Variants in CSMD2 observed in about 807,000 individuals in gnomAD.
CSMD2 encodes CUB and Sushi multiple domains 2.
CSMD2 carries 130 observed loss-of-function variants against 398.5 expected under a neutral mutation model. The observed-to-expected ratio is 0.33, with a 90% CI of 0.28 to 0.38. The LOEUF is 0.38. Among genes scored for constraint, CSMD2 ranks in the 10% least tolerant of loss-of-function variants. The pLI is 1.00. For missense variants in CSMD2, 3,829 were observed against 4,764.9 expected, an observed-to-expected ratio of 0.80 and a Z score of 5.78; for synonymous variants, 1,828 against 1,908.5, an observed-to-expected ratio of 0.96 and a Z score of 1.10.
rs58513974 is a variant in CSMD2 at position 33,539,311 on chromosome 1, C to A, written c.9631+1214G>T. Among the ~76,000 whole-genome samples, 955 of 152,174 alleles carry A rather than the reference C, an allele frequency of 6.3e-3. 9 individuals are homozygous for A. The highest frequency in any genetic ancestry group is 0.022 in the African/African-American group (920 of 41,514). ...ATACATATTGCAGAACTGCTTCTAA[C>A]GTGATTAAGTTGGAGATAATCTAAA... is the stretch of plus-strand genomic sequence containing the variant. On this transcript the variant is annotated intron_variant, in intron 60 of 70. Transcript: ENST00000373381.
chr1:33,864,809 CAT>C (rs1295121956), intron 5 of CSMD2: 1 of 1,421,674 alleles, frequency 7.0e-7, no homozygotes, highest in Non-Finnish European at 9.6e-7. Context: ...TTCCTGGTCT[CAT>C]GTGTGGCATT....
intron 44 of CSMD2, among the ~76,000 whole-genome samples, chr1:33,589,708 G>A (rs79142492): frequency 1.3e-5 from 2 of 152,082 alleles, no homozygotes; most frequent in African/African-American, 2.4e-5. Flanking sequence ...TCCAGTGCAC[G>A]GTGAAACCCC....
Position 33,611,160 on chromosome 1 carries a change from A to G in CSMD2, c.6224T>C (p.Met2075Thr). ...RNGPYETSRM[M>T]GRFSGSELPS... ...AAGCTCGCTTCCACTGAATCTTCCCATCATGCGGCTGGTCTCATAGGGGCC... is the reference window on the plus strand; with the variant it reads ...AAGCTCGCTTCCACTGAATCTTCCCGTCATGCGGCTGGTCTCATAGGGGCC... Residue 2075 changes from methionine (M) to threonine (T), a missense_variant, in exon 41 of 71, where the codon ATG (methionine) becomes ACG (threonine). Physicochemically the swap from Met to Thr is moderately conservative, Grantham distance 81. Coordinates refer to ENST00000373381, the MANE Select transcript of CSMD2 (RefSeq NM_001281956.2). 6.2e-7 allele frequency: 1 copy of G among 1,614,064 alleles called. No individual in the cohort carries two copies. Among genetic ancestry groups the G allele is most frequent in the Non-Finnish European group, 8.5e-7 (1 of 1,180,006 alleles).
intron 2 of CSMD2, among the ~76,000 whole-genome samples, chr1:34,082,845 T>G (rs1287277407): frequency 6.6e-6 from 1 of 152,088 alleles, no homozygotes; most frequent in Non-Finnish European, 1.5e-5. Flanking sequence ...CAAGATGTGC[T>G]TTGTTAAACA....
chr1:34,064,529 C>T (rs945142637), intron 2 of CSMD2, among the ~76,000 whole-genome samples: 7 of 152,114 alleles, frequency 4.6e-5, no homozygotes, highest in East Asian at 1.9e-4. Flanking sequence ...CCTCTCCATC[C>T]GAGACCATCT....
chr1:33,909,818 G>A (rs945792175), intron 5 of CSMD2, among the ~76,000 whole-genome samples: 8 of 152,104 alleles, frequency 5.3e-5, no homozygotes, highest in African/African-American at 1.4e-4. Flanking sequence ...CTGTGAATTC[G>A]TAACCAAGGG....
At chr1:34,087,803 A>G (rs1235328066) in intron 2 of CSMD2, among the ~76,000 whole-genome samples, 3 of 152,064 alleles carry the variant, frequency 2.0e-5, no homozygotes, top group African/African-American at 7.2e-5. Context: ...GCTATTCCCC[A>G]GCATCTAGGC....
intron 5 of CSMD2, among the ~76,000 whole-genome samples, chr1:33,851,050 T>C (rs1004439030): frequency 6.6e-6 from 1 of 152,162 alleles, no homozygotes; most frequent in Non-Finnish European, 1.5e-5. Flanking sequence ...TGCTGCCTAA[T>C]TGTAAGTCGA....
At position 33,935,843 on chromosome 1, in the gene CSMD2, A is replaced by G; in HGVS notation, c.629T>C (p.Phe210Ser). 1 of 1,614,222 alleles carries G rather than the reference A, an allele frequency of 6.2e-7. No homozygotes were observed. Among genetic ancestry groups the G allele is most frequent in the Non-Finnish European group, 8.5e-7 (1 of 1,180,026 alleles). The change falls in exon 4 of 71, where the codon TTC becomes TCC. Residue 210 changes from phenylalanine (F) to serine (S), a missense_variant. Phe to Ser is a radical substitution (Grantham distance 155). This residue lies in a region of CSMD2 where 2,001 missense variants were observed against 2,567.1 expected (regional missense o/e 0.78). Coordinates refer to ENST00000373381, the MANE Select transcript of CSMD2 (RefSeq NM_001281956.2). Reference sequence around the variant, plus strand: ...GGTGAGCACGGCGTGGCCCTCCAGGAAGAAGCCAAGGTTGCAGCTGTAGCG... The same window carrying G: ...GGTGAGCACGGCGTGGCCCTCCAGGGAGAAGCCAAGGTTGCAGCTGTAGCG... ...KVRYSCNLGF[F>S]LEGHAVLTCH...
At chr1:33,678,051 A>G (rs536601733) in intron 25 of CSMD2, among the ~76,000 whole-genome samples, 2 of 151,988 alleles carry the variant, frequency 1.3e-5, no homozygotes, top group South Asian at 4.2e-4. Flanking sequence ...TGGCACATGT[A>G]TACATATGTA....
chr1:33,887,391 G>T (rs1641673177), intron 5 of CSMD2, among the ~76,000 whole-genome samples: 1 of 152,124 alleles, frequency 6.6e-6, no homozygotes, highest in Non-Finnish European at 1.5e-5. Context: ...GAGGTCAAGG[G>T]TTTATAATAA....
rs528437985 is a variant in CSMD2, at chr1:33,680,669, G to C, written c.4052+12261C>G. Among the ~76,000 whole-genome samples, 7 of 152,192 alleles carry C rather than the reference G, an allele frequency of 4.6e-5. No individual in the cohort carries two copies. In the East Asian group the frequency reaches 1.4e-3, roughly 29 times the overall value. On this transcript the variant is annotated intron_variant, in intron 25 of 70. Transcript: ENST00000373381. ...CCTGTAACCTTGATCTGCTCCAGAG[G>C]CTGCCTCCTCTCCCCCCATTCTCTT...
chr1:33,839,063 C>G (rs1570215556), intron 6 of CSMD2: 1 of 152,354 alleles, frequency 6.6e-6, no homozygotes, highest in African/African-American at 2.4e-5. Context: ...TCAGCAATAT[C>G]ATTTCTGATG....
At chr1:33,676,193 T>C (rs1219909367) in intron 25 of CSMD2, among the ~76,000 whole-genome samples, 2 of 152,238 alleles carry the variant, frequency 1.3e-5, no homozygotes, top group African/African-American at 4.8e-5. Flanking sequence ...ATGACATGAT[T>C]GTATATCTAG....
At chr1:33,735,921 G>C (rs1646871393) in intron 15 of CSMD2, among the ~76,000 whole-genome samples, 1 of 152,280 alleles carries the variant, frequency 6.6e-6, no homozygotes, top group African/African-American at 2.4e-5. Context: ...AGCCAAGAAG[G>C]GACAGGTTCC....
At chr1:33,528,509 A>G (rs769216484) in intron 64 of CSMD2, among the ~76,000 whole-genome samples, 40 of 152,358 alleles carry the variant, frequency 2.6e-4, no homozygotes, top group Non-Finnish European at 4.3e-4. Context: ...CAGTGACTCA[A>G]TGCAAGTGTA....
At chr1:33,733,746 G>A (rs946438261) in intron 15 of CSMD2, among the ~76,000 whole-genome samples, 7 of 152,194 alleles carry the variant, frequency 4.6e-5, no homozygotes, top group African/African-American at 1.4e-4. Flanking sequence ...TGTGAAGAAG[G>A]TGCCTGCTTC....
chr1:33,698,953 G>A lies in CSMD2; in HGVS notation c.3734-9C>T. 1 of 1,611,476 alleles carries A rather than the reference G, an allele frequency of 6.2e-7. No individual in the cohort carries two copies. Among genetic ancestry groups the A allele is most frequent in the South Asian group, 1.1e-5 (1 of 90,590 alleles). ...TTTGATGAGTTCAAAGCCTGGTGAG[G>A]AGAGAAGAGGTAGAGTGAGTAAGAC... is the stretch of plus-strand genomic sequence containing the variant. On this transcript the variant is annotated splice_polypyrimidine_tract_variant and intron_variant, in intron 23 of 70. Transcript: ENST00000373381.
At chr1:34,082,383 A>G (rs1228578346) in intron 2 of CSMD2, among the ~76,000 whole-genome samples, 2 of 132,278 alleles carry the variant, frequency 1.5e-5, no homozygotes, top group Non-Finnish European at 3.3e-5. Flanking sequence ...GTGGGGGGCG[A>G]CCCCGCCCAG....
Sources: allele counts gnomAD v4.1 joint callset (sites outside exome capture counted in the v4.1 genomes callset), GRCh38; gene constraint gnomAD v4.1.1; regional missense constraint gnomAD v4.1.1; transcripts MANE v1.5; gene names NCBI Gene and HGNC (gene_info 2026-07-23, HGNC 2026-07-21).